The following ACSBG2 variants were observed in gnomAD, a reference collection of about 807,000 sequenced individuals.
ACSBG2 encodes the protein acyl-CoA synthetase bubblegum family member 2, also known as long-chain-fatty-acid--CoA ligase ACSBG2.
A neutral mutation model predicts 74.7 loss-of-function variants in ACSBG2; 62 were observed. That is an observed-to-expected ratio of 0.83 (90% CI 0.68 to 1.03). ACSBG2 has a LOEUF of 1.03. ACSBG2 is among the 50% of genes least tolerant of loss of function. The pLI, the probability that ACSBG2 is intolerant of heterozygous loss-of-function variation, is 0.00. For missense variants in ACSBG2, 730 were observed against 817.6 expected (o/e 0.89, Z 1.31); for synonymous variants, 309 against 294.1 (o/e 1.05, Z -0.52).
Position 6,156,466 on chromosome 19 carries a change from C to T in ACSBG2, c.422C>T (p.Ala141Val). 1 of 1,598,154 alleles carries T rather than the reference C, an allele frequency of 6.3e-7. No individual in the cohort carries two copies. The highest frequency in any genetic ancestry group is 8.5e-7 in the Non-Finnish European group (1 of 1,173,852). ...GTTGGTATTTATGCCACCAACTCTGCCGAGGTTTGTCAATATGTCATCACT... is the reference window on the plus strand; with the variant it reads ...GTTGGTATTTATGCCACCAACTCTGTCGAGGTTTGTCAATATGTCATCACT... The part of the protein sequence containing the change: ...LCVGIYATNS[A>V]EVCQYVITHA... The change falls in exon 5 of 15, where the codon GCC becomes GTC. Residue 141 changes from alanine (A) to valine (V), a missense_variant. By Grantham distance (64) the Ala-to-Val change is moderately conservative. Coordinates refer to ENST00000588485, the MANE Select transcript of ACSBG2 (RefSeq NM_030924.5).
chr19:6,151,870 A>G (rs1316356408), intron 4 of ACSBG2, 75 bp downstream of exon 4: 6 of 1,393,358 alleles, frequency 4.3e-6, no homozygotes, highest in Non-Finnish European at 5.9e-6. Context: ...GGGCTTGTCC[A>G]GTGTGAGATG....
At chr19:6,173,937 A>ATTTTT (rs56905660) in intron 7 of ACSBG2, among the ~76,000 whole-genome samples, 5,701 of 130,890 alleles carry the variant, frequency 0.044, 186 homozygotes, top group African/African-American at 0.087. Flanking sequence ...CTCTTGAACT[A>ATTTTT]TTTTTTTTTT....
intron 2 of ACSBG2, among the ~76,000 whole-genome samples, chr19:6,145,114 C>T (rs1316421781): frequency 6.6e-6 from 1 of 152,020 alleles, no homozygotes; most frequent in Non-Finnish European, 1.5e-5. Flanking sequence ...AAAGTAGCAT[C>T]CCGGCCGGGC....
At chr19:6,159,086 T>C (rs1395825470) in intron 5 of ACSBG2, among the ~76,000 whole-genome samples, 1 of 152,152 alleles carries the variant, frequency 6.6e-6, no homozygotes. Flanking sequence ...GTCTCCCAAG[T>C]AGCTGGGACT....
chr19:6,157,238 GC>G (rs1182887056), intron 5 of ACSBG2, among the ~76,000 whole-genome samples: 1 of 150,108 alleles, frequency 6.7e-6, no homozygotes. Context: ...GTGAGCCACC[GC>G]CCCGAGCCCG....
Position 6,149,218 on chromosome 19 carries a change from A to G in ACSBG2, c.297+1543A>G, listed in dbSNP as rs774606337. ...TAGTCGGTGTAACTAGGCATTAATA[A>G]AAACACACTCTGTCCACAATAAAGC... On this transcript the variant is annotated intron_variant, in intron 3 of 14. Coordinates refer to ENST00000588485, the MANE Select transcript of ACSBG2 (RefSeq NM_030924.5). Among the ~76,000 whole-genome samples, 33 of 152,326 alleles carry G rather than the reference A, an allele frequency of 2.2e-4. 1 individual carries two copies. The highest frequency in any genetic ancestry group is 1.9e-4 in the East Asian group (1 of 5,182).
intron 1 of ACSBG2, among the ~76,000 whole-genome samples, chr19:6,139,047 G>A (rs55932604): frequency 0.023 from 3,567 of 151,902 alleles, 144 homozygotes; most frequent in African/African-American, 0.082. Context: ...TGTAAACTCC[G>A]TAGGCTCATT....
At position 6,147,639 on chromosome 19, in the gene ACSBG2, T is replaced by C. The variant is rs189150426; in HGVS notation, c.261T>C (p.Tyr87=). Residue 87 remains tyrosine (Y), a synonymous_variant, in exon 3 of 15, where the codon TAT becomes TAC. Transcript: ENST00000588485. ...KWEILNFNQY[Y]EACRKAAKSL... is the part of the protein sequence containing the mutation. ...AAATTCTGAATTTCAACCAGTACTATGAGGCTTGTCGGAAGGCTGCAAAAT... is the reference window on the plus strand; with the variant it reads ...AAATTCTGAATTTCAACCAGTACTACGAGGCTTGTCGGAAGGCTGCAAAAT... The C allele has an allele frequency of 6.2e-7, 1 of 1,614,234 alleles. No individual in the cohort carries two copies. Among genetic ancestry groups the C allele is most frequent in the East Asian group, 2.2e-5 (1 of 44,888 alleles).
At chr19:6,175,826 A>G (rs951778466) in intron 7 of ACSBG2, 22 of 152,328 alleles carry the variant, frequency 1.4e-4, no homozygotes, top group Non-Finnish European at 1.5e-5. Context: ...ATATGATGGG[A>G]TTATGGGTAG....
At chr19:6,150,861 G>A (rs571954945) in intron 3 of ACSBG2, among the ~76,000 whole-genome samples, 10 of 152,094 alleles carry the variant, frequency 6.6e-5, no homozygotes, top group African/African-American at 1.9e-4. Flanking sequence ...GATTACAGGC[G>A]TGAGCACTTT....
At chr19:6,154,754 C>T (rs897926096) in intron 4 of ACSBG2, among the ~76,000 whole-genome samples, 5 of 151,964 alleles carry the variant, frequency 3.3e-5, no homozygotes, top group African/African-American at 7.3e-5. Context: ...TCAGGTAATC[C>T]ACCTGCCTCA....
chr19:6,187,406 T>C lies in ACSBG2; in HGVS notation c.1664T>C (p.Met555Thr), dbSNP rs1222493989. Reference protein sequence around the residue: ...LVGDKLKFLSMLLTLKCEMNQ... With the variant: ...LVGDKLKFLSTLLTLKCEMNQ... ...GGAGATAAACTGAAGTTTCTGAGCATGTTGCTGACGCTGAAGGTAACATGG... is the reference window on the plus strand; with the variant it reads ...GGAGATAAACTGAAGTTTCTGAGCACGTTGCTGACGCTGAAGGTAACATGG... The change falls in exon 12 of 15, where the codon ATG (methionine) becomes ACG (threonine). Residue 555 changes from methionine (M) to threonine (T), a missense_variant. Met to Thr is a moderately conservative substitution (Grantham distance 81). Coordinates refer to ENST00000588485, the MANE Select transcript of ACSBG2 (RefSeq NM_030924.5). 6.2e-7 allele frequency: 1 copy of C among 1,614,054 alleles called. No homozygotes were observed. Among genetic ancestry groups the C allele is most frequent in the African/African-American group, 1.3e-5 (1 of 74,914 alleles).
intron 3 of ACSBG2, 134 bp downstream of exon 3, chr19:6,147,809 T>A: frequency 1.1e-6 from 1 of 882,190 alleles, no homozygotes; most frequent in Non-Finnish European, 1.8e-6. Flanking sequence ...TCCCTCTGAT[T>A]CATGAGCCTC....
chr19:6,166,854 G>T (rs1324519202), intron 7 of ACSBG2, among the ~76,000 whole-genome samples: 2 of 151,984 alleles, frequency 1.3e-5, no homozygotes, highest in African/African-American at 4.8e-5. Flanking sequence ...GACCAGGCTG[G>T]TCTCAAACTC....
At position 6,177,398 on chromosome 19, in the gene ACSBG2, T is replaced by A; in HGVS notation, c.906+2T>A. The stretch of plus-strand genomic sequence containing the variant: ...TTTGCTCAAGCAGATGCTCTCAAGG[T>A]AAGATTGAGTAAGGACCTGGGGCTC... On this transcript the variant is annotated splice_donor_variant, in intron 8 of 14. Transcript: ENST00000588485. LOFTEE classifies it high-confidence loss of function. The A allele has an allele frequency of 6.3e-7, 1 of 1,585,924 alleles. No individual in the cohort carries two copies. The highest frequency in any genetic ancestry group is 8.6e-7 in the Non-Finnish European group (1 of 1,167,014).
chr19:6,151,247 T>C (rs1482262802), intron 3 of ACSBG2, among the ~76,000 whole-genome samples: 1 of 152,028 alleles, frequency 6.6e-6, no homozygotes, highest in Non-Finnish European at 1.5e-5. Context: ...CCCGTAGTCA[T>C]AAAAATTAAA....
intron 4 of ACSBG2, among the ~76,000 whole-genome samples, chr19:6,155,789 CAAAA>C (rs35539453): frequency 4.9e-5 from 6 of 123,618 alleles, no homozygotes; most frequent in Non-Finnish European, 5.1e-5. Flanking sequence ...GACCCTGTCT[CAAAA>C]AAAAAAAAAA....
chr19:6,186,407 G>A (rs145264042), intron 11 of ACSBG2, among the ~76,000 whole-genome samples: 1 of 152,314 alleles, frequency 6.6e-6, no homozygotes, highest in African/African-American at 2.4e-5. Context: ...ACTTAAAAAT[G>A]TAAAATTCAT....
In ACSBG2 at chr19:6,185,559, T is replaced by C; in HGVS notation, c.1446T>C (p.Thr482=). The change falls in exon 11 of 15, where the codon ACT becomes ACC. Residue 482 remains threonine (T), a synonymous_variant. Transcript: ENST00000588485. ...GCTATCTGGAAAGTGAGACTGAAAC[T>C]ACAGAGGCCATCGATGATGAAGGCT... ...FMGYLESETE[T]TEAIDDEGWL... is the part of the protein sequence containing the mutation. The C allele has an allele frequency of 2.5e-6, 4 of 1,614,152 alleles. No individual in the cohort carries two copies. The highest frequency in any genetic ancestry group is 1.6e-4 in the Middle Eastern group (1 of 6,062).
Sources: gnomAD v4.1 joint callset for allele counts (sites outside exome capture counted in the v4.1 genomes callset) on GRCh38, gnomAD v4.1.1 for gene constraint, MANE v1.5 for transcripts, NCBI Gene and HGNC (gene_info 2026-07-23, HGNC 2026-07-21) for gene names.